DAB1: variants seen among roughly 807,000 people sequenced by gnomAD.
DAB1 encodes the protein DAB adaptor protein 1, also known as disabled homolog 1.
In DAB1, 15 loss-of-function variants were observed where a neutral mutation model predicts 64.6. That is an observed-to-expected ratio of 0.23 (90% CI 0.16 to 0.36). The LOEUF (loss-of-function observed/expected upper bound fraction) is 0.36. Among genes scored for constraint, DAB1 ranks in the 10% least tolerant of loss-of-function variants. The pLI, the probability that DAB1 is intolerant of heterozygous loss-of-function variation, is 1.00. For synonymous variants in DAB1, 235 were observed against 251.9 expected, an observed-to-expected ratio of 0.93 and a Z score of 0.64; for missense variants, 596 against 706.7, an observed-to-expected ratio of 0.84 and a Z score of 1.78.
intron 3 of DAB1, among the ~76,000 whole-genome samples, chr1:58,465,297 C>G (rs750845855): frequency 6.6e-6 from 1 of 152,186 alleles, no homozygotes; most frequent in African/African-American, 2.4e-5. Flanking sequence ...CTCAGGCAAA[C>G]GCCCTGCATG....
chr1:57,727,424 C>T (rs1265630468), intron 6 of DAB1, among the ~76,000 whole-genome samples: 1 of 152,160 alleles, frequency 6.6e-6, no homozygotes, highest in Non-Finnish European at 1.5e-5. Context: ...TAAGCCTGTG[C>T]GTCACCTGTT....
chr1:58,143,820 C>T (rs1194317116), intron 5 of DAB1, among the ~76,000 whole-genome samples: 2 of 152,178 alleles, frequency 1.3e-5, no homozygotes, highest in Admixed American at 6.5e-5. Flanking sequence ...AGATTACAGT[C>T]CCCTCACCCA....
intron 5 of DAB1, among the ~76,000 whole-genome samples, chr1:57,938,738 G>A (rs949546768): frequency 7.2e-5 from 11 of 151,900 alleles, no homozygotes; most frequent in South Asian, 2.1e-4. Flanking sequence ...AATTTATCCT[G>A]TTGGTCAATA....
At chr1:58,211,851 C>A (rs555282529) in intron 4 of DAB1, among the ~76,000 whole-genome samples, 1 of 152,254 alleles carries the variant, frequency 6.6e-6, no homozygotes, top group Admixed American at 6.5e-5. Context: ...GCTCTTTACT[C>A]TACACATCAC....
intron 7 of DAB1, among the ~76,000 whole-genome samples, chr1:57,543,341 G>A (rs1465267309): frequency 1.3e-5 from 2 of 152,116 alleles, no homozygotes; most frequent in Non-Finnish European, 2.9e-5. Flanking sequence ...CTTCCCCTAT[G>A]TCATGCTGTT....
At chr1:57,045,205 C>T (rs1648309662) in intron 9 of DAB1, among the ~76,000 whole-genome samples, 1 of 152,126 alleles carries the variant, frequency 6.6e-6, no homozygotes, top group East Asian at 1.9e-4. Flanking sequence ...GAAAGGGCAG[C>T]CATGGTGGGC....
chr1:57,196,458 CAAACCAGG>C (rs1664630487), intron 2 of DAB1, among the ~76,000 whole-genome samples: 1 of 152,158 alleles, frequency 6.6e-6, no homozygotes, highest in Non-Finnish European at 1.5e-5. Flanking sequence ...GGGCTCCTGG[CAAACCAGG>C]AAGATTAGCA....
chr1:57,073,521 A>C (rs1176219921), intron 4 of DAB1, among the ~76,000 whole-genome samples: 1 of 152,152 alleles, frequency 6.6e-6, no homozygotes, highest in Non-Finnish European at 1.5e-5. Flanking sequence ...TCCTCATTCA[A>C]CAGTACTCTG....
intron 5 of DAB1, among the ~76,000 whole-genome samples, chr1:58,146,739 T>G (rs1654616161): frequency 6.6e-6 from 1 of 151,858 alleles, no homozygotes; most frequent in Non-Finnish European, 1.5e-5. Context: ...TATTCTATTA[T>G]AAATTCTATT....
chr1:57,139,002 C>G (rs558947295), intron 3 of DAB1, among the ~76,000 whole-genome samples: 3 of 152,134 alleles, frequency 2.0e-5, no homozygotes, highest in Non-Finnish European at 4.4e-5. Context: ...CCTCACTTGA[C>G]TTTTAAATCT....
At chr1:57,188,865 C>G (rs2100995977) in intron 2 of DAB1, among the ~76,000 whole-genome samples, 1 of 152,280 alleles carries the variant, frequency 6.6e-6, no homozygotes, top group Admixed American at 6.5e-5. Context: ...AGGCACGTTA[C>G]TAAAATAGAT....
chr1:57,973,797 T>C (rs1348603704), intron 5 of DAB1, among the ~76,000 whole-genome samples: 1 of 152,096 alleles, frequency 6.6e-6, no homozygotes, highest in Non-Finnish European at 1.5e-5. Context: ...CCCAGACTTT[T>C]ATATTAGCCT....
intron 1 of DAB1, among the ~76,000 whole-genome samples, chr1:57,334,335 TG>T (rs1188629745): frequency 1.1e-4 from 16 of 152,244 alleles, no homozygotes; most frequent in African/African-American, 3.9e-4. Flanking sequence ...GACTCTGCCA[TG>T]CACTCAGCAT....
intron 5 of DAB1, among the ~76,000 whole-genome samples, chr1:57,979,992 CAG>C (rs1187516491): frequency 6.6e-6 from 1 of 152,120 alleles, no homozygotes; most frequent in Non-Finnish European, 1.5e-5. Flanking sequence ...CTTGCCTGAC[CAG>C]TGCCTCTCTG....
intron 7 of DAB1, among the ~76,000 whole-genome samples, chr1:57,453,781 T>C (rs1039865992): frequency 2.0e-5 from 3 of 152,220 alleles, no homozygotes; most frequent in South Asian, 2.1e-4. Context: ...GTGCATTATA[T>C]GGTATTGAAT....
At chr1:57,304,087 AGAAAAGAGG>A (rs994483508) in intron 1 of DAB1, among the ~76,000 whole-genome samples, 4 of 152,148 alleles carry the variant, frequency 2.6e-5, no homozygotes, top group Non-Finnish European at 5.9e-5. Flanking sequence ...GTAATTTATA[AGAAAAGAGG>A]TTTATCTGGC....
At chr1:58,351,088 G>A (rs12116658) in intron 3 of DAB1, among the ~76,000 whole-genome samples, 15,200 of 152,162 alleles carry the variant, frequency 0.1, 798 homozygotes, top group African/African-American at 0.13. Flanking sequence ...TCCTATCCAT[G>A]AGCATGGAAT....
chr1:57,080,706 C>T (rs999536715), intron 4 of DAB1, among the ~76,000 whole-genome samples: 5 of 151,366 alleles, frequency 3.3e-5, no homozygotes, highest in South Asian at 2.1e-4. Context: ...AAAGTGACAA[C>T]GAAGCATATT....
chr1:58,228,686 G>A, intron 4 of DAB1: 2 of 1,134,434 alleles, frequency 1.8e-6, no homozygotes, highest in South Asian at 2.5e-5. Context: ...TGAGGGCTCA[G>A]TACCTCTTAG....
Sources: allele counts gnomAD v4.1 joint callset (sites outside exome capture counted in the v4.1 genomes callset), GRCh38; gene constraint gnomAD v4.1.1; transcripts MANE v1.5; gene names NCBI Gene and HGNC (gene_info 2026-07-23, HGNC 2026-07-21).